The following KATNBL1 variants were observed in gnomAD, a reference collection of about 807,000 sequenced individuals.
The protein encoded by KATNBL1 is katanin regulatory subunit B1 like 1, also known as KATNB1-like protein 1.
In KATNBL1, 28 loss-of-function variants were observed where a neutral mutation model predicts 44.7. That is an observed-to-expected ratio of 0.63 (90% CI 0.46 to 0.86). The LOEUF (loss-of-function observed/expected upper bound fraction) is 0.86, where lower values mean the gene tolerates loss of function less well. KATNBL1 is among the 40% of genes least tolerant of loss of function. The pLI is 0.00. For missense variants in KATNBL1, 272 were observed against 350.7 expected, an observed-to-expected ratio of 0.78 and a Z score of 1.79; for synonymous variants, 78 against 114.9, an observed-to-expected ratio of 0.68 and a Z score of 2.06.
intron 1 of KATNBL1, among the ~76,000 whole-genome samples, chr15:34,178,704 T>C (rs1053371464): frequency 1.8e-4 from 26 of 140,558 alleles, no homozygotes; most frequent in Admixed American, 1.7e-3. Flanking sequence ...TGCAGTGAGC[T>C]GAGATCGTGC....
intron 1 of KATNBL1, among the ~76,000 whole-genome samples, chr15:34,188,158 A>AAAAAAAAAAAAG (rs1889773760): frequency 6.7e-6 from 1 of 148,544 alleles, no homozygotes; most frequent in Admixed American, 6.9e-5. Context: ...AAAAAAAAAA[A>AAAAAAAAAAAAG]AAAAAAAGAA....
In KATNBL1 at chr15:34,140,680, C is replaced by T. The variant is rs1286487190; in HGVS notation, c.*1659G>A. 6.6e-6 allele frequency: 1 copy of T among 152,126 alleles called. No individual in the cohort carries two copies. 9.4% of individuals were successfully genotyped at this position (152,126 alleles called of 1,614,324 possible). A position where few individuals can be genotyped will look rare whatever the true frequency, so the allele number is the denominator to read the frequency against. ...ACAGTGATAACTACAGGAATAAGCA[C>T]AAAGAAAGGTTATATTTTATCATGT... On this transcript the variant is annotated 3_prime_UTR_variant, in exon 10 of 10. Transcript: ENST00000256544.
intron 1 of KATNBL1, among the ~76,000 whole-genome samples, chr15:34,189,578 A>G (rs1035471274): frequency 6.6e-6 from 1 of 152,222 alleles, no homozygotes; most frequent in South Asian, 2.1e-4. Flanking sequence ...ATATGATCAT[A>G]GGTCACTATA....
intron 2 of KATNBL1, among the ~76,000 whole-genome samples, chr15:34,156,103 T>A (rs566860438): frequency 2.0e-5 from 3 of 152,228 alleles, no homozygotes; most frequent in Admixed American, 6.5e-5. Context: ...AATATCACCA[T>A]ACATCTGCTC....
intron 1 of KATNBL1, among the ~76,000 whole-genome samples, chr15:34,175,703 A>G (rs1351671812): frequency 6.6e-6 from 1 of 152,248 alleles, no homozygotes; most frequent in African/African-American, 2.4e-5. Context: ...AAGATGTGGA[A>G]GAACTGGATC....
chr15:34,157,487 C>T (rs1383291353), intron 2 of KATNBL1, among the ~76,000 whole-genome samples: 5 of 152,084 alleles, frequency 3.3e-5, no homozygotes, highest in Non-Finnish European at 5.9e-5. Flanking sequence ...AGGGGTGGTG[C>T]CTGTGCTAAA....
chr15:34,193,041 C>A (rs2140988511), intron 1 of KATNBL1, among the ~76,000 whole-genome samples: 1 of 149,584 alleles, frequency 6.7e-6, no homozygotes, highest in South Asian at 2.1e-4. Flanking sequence ...CACAGTGAAA[C>A]CCCGCCTCTA....
At chr15:34,161,453 C>A (rs1888803818) in intron 2 of KATNBL1, among the ~76,000 whole-genome samples, 1 of 152,162 alleles carries the variant, frequency 6.6e-6, no homozygotes, top group South Asian at 2.1e-4. Flanking sequence ...TTGTTAGAAA[C>A]AAATGCTCAA....
chr15:34,173,612 G>A (rs1889237145), intron 1 of KATNBL1, among the ~76,000 whole-genome samples: 1 of 152,132 alleles, frequency 6.6e-6, no homozygotes, highest in South Asian at 2.1e-4. Flanking sequence ...TATTTCCCAG[G>A]ATGATTATGA....
rs986332210 is a variant in KATNBL1, at chr15:34,210,024, C to T, written c.-88G>A. ...ACCAGCGCCCGGCAGCCTAGAGAGT[C>T]CCTCGGCTTCTGGGCCGAGTCCCAC... On this transcript the variant is annotated 5_prime_UTR_variant, in exon 1 of 10. Coordinates refer to ENST00000256544, the MANE Select transcript of KATNBL1 (RefSeq NM_024713.3). 3 of 151,940 alleles carry T rather than the reference C, an allele frequency of 2.0e-5. No homozygotes were observed. Among genetic ancestry groups the T allele is most frequent in the Admixed American group, 2.0e-4 (3 of 15,280 alleles). The allele number at this position is 151,940 out of a possible 1,614,324, so 9.4% of individuals were successfully genotyped here.
intron 3 of KATNBL1, 64 bp downstream of exon 3, chr15:34,154,579 CT>C (rs778777158): frequency 5.0e-6 from 5 of 1,005,550 alleles, no homozygotes; most frequent in East Asian, 2.4e-5. Context: ...TTATTTTTCC[CT>C]TATTGTCATC....
Position 34,152,884 on chromosome 15 carries a change from T to C in KATNBL1, c.344A>G (p.His115Arg). 2.5e-6 allele frequency: 4 copies of C among 1,613,978 alleles called. No individual in the cohort carries two copies. The highest frequency in any genetic ancestry group is 2.2e-5 in the East Asian group (1 of 44,872). Residue 115 changes from histidine (H) to arginine (R), a missense_variant, in exon 4 of 10, where the codon CAC becomes CGC. This residue lies in a region of KATNBL1 where 111 missense variants were observed against 149.3 expected (regional missense o/e 0.74). Coordinates refer to ENST00000256544, the MANE Select transcript of KATNBL1 (RefSeq NM_024713.3). ...ACAGHLPEKL[H>R]HDSRTYLVNS... The stretch of plus-strand genomic sequence containing the variant: ...AACCAAATATGTTCGACTATCATGG[T>C]GTAATTTTTCAGGCAGGTGGCCTGC...
chr15:34,194,382 G>C (rs1200686805), intron 1 of KATNBL1, among the ~76,000 whole-genome samples: 2 of 152,038 alleles, frequency 1.3e-5, no homozygotes, highest in African/African-American at 4.8e-5. Flanking sequence ...GCCAAGGCGG[G>C]AGTAGCACTT....
At chr15:34,197,094 T>C (rs1029017399) in intron 1 of KATNBL1, among the ~76,000 whole-genome samples, 4 of 152,258 alleles carry the variant, frequency 2.6e-5, no homozygotes, top group African/African-American at 9.6e-5. Flanking sequence ...CTCCTGCTAC[T>C]AGAGGTGGAG....
At chr15:34,179,878 G>C (rs1293270733) in intron 1 of KATNBL1, among the ~76,000 whole-genome samples, 2 of 152,120 alleles carry the variant, frequency 1.3e-5, no homozygotes, top group African/African-American at 2.4e-5. Context: ...AACTTAATGA[G>C]ATCACTATCT....
chr15:34,202,996 A>G lies in KATNBL1; in HGVS notation c.-15+6955T>C, dbSNP rs147523981. 5.3e-3 allele frequency among the ~76,000 whole-genome samples: 811 copies of G among 152,326 alleles called. 9 individuals are homozygous for G. The highest frequency in any genetic ancestry group is 0.018 in the African/African-American group (765 of 41,574). On this transcript the variant is annotated intron_variant, in intron 1 of 9. Transcript: ENST00000256544. ...ACAGCAAGACTCTGTCTCAAAAAAA[A>G]TAAAAATAAATAAATAAAATCTCTC...
At chr15:34,198,810 C>T (rs1435027954) in intron 1 of KATNBL1, among the ~76,000 whole-genome samples, 2 of 152,012 alleles carry the variant, frequency 1.3e-5, no homozygotes, top group African/African-American at 2.4e-5. Flanking sequence ...GACTTGTAGT[C>T]AAAAAGTAAC....
chr15:34,196,762 A>C (rs566682536), intron 1 of KATNBL1, among the ~76,000 whole-genome samples: 57 of 152,262 alleles, frequency 3.7e-4, no homozygotes, highest in African/African-American at 1.3e-3. Flanking sequence ...ATCTAAACAT[A>C]ATGTATGATG....
chr15:34,205,761 T>G (rs1890279123), intron 1 of KATNBL1, among the ~76,000 whole-genome samples: 1 of 152,202 alleles, frequency 6.6e-6, no homozygotes, highest in Non-Finnish European at 1.5e-5. Context: ...TCAACAAATA[T>G]TAAGTACATG....
Sources: gnomAD v4.1 joint callset for allele counts (sites outside exome capture counted in the v4.1 genomes callset) on GRCh38, gnomAD v4.1.1 for gene constraint, gnomAD v4.1.1 regional missense constraint, MANE v1.5 for transcripts, NCBI Gene and HGNC (gene_info 2026-07-23, HGNC 2026-07-21) for gene names.